PAH: variants seen among roughly 807,000 people sequenced by gnomAD.
PAH encodes phenylalanine-4-hydroxylase.
Under a neutral mutation model 62.0 loss-of-function variants are expected in PAH, and 64 were observed. The observed-to-expected ratio is 1.03, with a 90% confidence interval of 0.84 to 1.27. PAH has a LOEUF of 1.27. Ranked by LOEUF, PAH falls within the 50% of genes most tolerant of loss-of-function variation. PAH has a pLI of 0.00. For missense variants in PAH, 579 were observed against 542.8 expected, an observed-to-expected ratio of 1.07 and a Z score of -0.66; for synonymous variants, 195 against 196.2, an observed-to-expected ratio of 0.99 and a Z score of 0.05.
chr12:102,887,685 G>A (rs1293307475), intron 3 of PAH, among the ~76,000 whole-genome samples: 1 of 152,102 alleles, frequency 6.6e-6, no homozygotes, highest in Non-Finnish European at 1.5e-5. Context: ...TCCCCTCCAT[G>A]AGCCACAGGA....
At chr12:102,907,169 T>C (rs1335695762) in intron 2 of PAH, among the ~76,000 whole-genome samples, 1 of 152,218 alleles carries the variant, frequency 6.6e-6, no homozygotes, top group Admixed American at 6.5e-5. Flanking sequence ...AGTAGTTAAT[T>C]GTCTTGCATT....
chr12:102,852,516 G>A (rs761084795), intron 7 of PAH, among the ~76,000 whole-genome samples: 2 of 152,190 alleles, frequency 1.3e-5, no homozygotes, highest in African/African-American at 2.4e-5. Flanking sequence ...ACTTGTTCCT[G>A]TTCTCATTTG....
intron 5 of PAH, among the ~76,000 whole-genome samples, chr12:102,865,683 C>T (rs1395269513): frequency 6.6e-6 from 1 of 152,178 alleles, no homozygotes; most frequent in Non-Finnish European, 1.5e-5. Flanking sequence ...GGGCTTAGAT[C>T]TGACTAAAGA....
In PAH at chr12:102,853,085, A is replaced by G. The variant is rs374035863; in HGVS notation, c.707-135T>C. The G allele has an allele frequency of 3.4e-5, 31 of 923,652 alleles. No individual in the cohort carries two copies. In the African/African-American group the frequency reaches 4.6e-4, roughly 14 times the overall value. The allele number at this position is 923,652 out of a possible 1,614,324, so 57.2% of individuals were successfully genotyped here. A position where few individuals can be genotyped will look rare whatever the true frequency, so the allele number is the denominator to read the frequency against. On this transcript the variant is annotated intron_variant, in intron 6 of 12. Transcript: ENST00000553106. ...TTTGACGCTAGGCAGACTTGGCTTC[A>G]GATGTCTGCCTCGCTGCTTTCTAGC...
At chr12:102,889,534 G>GGACAGATAGATAGATAGATAGATA (rs75657447) in intron 3 of PAH, among the ~76,000 whole-genome samples, 4 of 150,552 alleles carry the variant, frequency 2.7e-5, no homozygotes, top group South Asian at 2.1e-4. Flanking sequence ...ATAGATAGAC[G>GGACAGATAGATAGATAGATAGATA]GATAGATAGA....
At position 102,844,408 on chromosome 12, in the gene PAH, A is replaced by G; in HGVS notation, c.993T>C (p.Phe331=). 1 of 1,613,538 alleles carries G rather than the reference A, an allele frequency of 6.2e-7. No individual in the cohort carries two copies. The highest frequency in any genetic ancestry group is 8.5e-7 in the Non-Finnish European group (1 of 1,179,514). ...LATIYWFTVE[F]GLCKQGDSIK... ...TGGAGTCTCCTTGTTTGCAGAGCCC[A>G]AACTCCACAGTAAACCAGTAAATCT... Residue 331 remains phenylalanine, a synonymous_variant, in exon 10 of 13, where the codon TTT becomes TTC. Coordinates refer to ENST00000553106, the MANE Select transcript of PAH (RefSeq NM_000277.3).
chr12:102,854,696 T>TGC, intron 6 of PAH: 1 of 260,964 alleles, frequency 3.8e-6, no homozygotes, highest in South Asian at 4.8e-5. Context: ...GAAGGCAGGA[T>TGC]TCATACCAGA....
chr12:102,911,594 G>T (rs1418669600), intron 2 of PAH, among the ~76,000 whole-genome samples: 1 of 152,124 alleles, frequency 6.6e-6, no homozygotes, highest in East Asian at 1.9e-4. Context: ...ACCTTTTACT[G>T]AGATAACTTC....
chr12:102,897,636 G>GA lies in PAH; in HGVS notation c.169-2719dup, dbSNP rs1294962038. ...GGAATGTAGCTGTGATGCATTATCA[G>GA]AAAAAAGGCAATAACTTCTTTCTCA... On this transcript the variant is annotated intron_variant, in intron 2 of 12. Coordinates refer to ENST00000553106, the MANE Select transcript of PAH (RefSeq NM_000277.3). Among the ~76,000 whole-genome samples the GA allele has an allele frequency of 3.3e-5, 5 of 152,038 alleles. No homozygotes were observed. In the East Asian group the frequency reaches 5.8e-4, roughly 18 times the overall value.
upstream of PAH, among the ~76,000 whole-genome samples, chr12:102,920,461 C>A (rs1400606790): frequency 6.6e-6 from 1 of 152,184 alleles, no homozygotes; most frequent in African/African-American, 2.4e-5. Context: ...CTGACCTTTG[C>A]TGATTTGGAA....
chr12:102,848,895 C>T (rs2136641933), intron 8 of PAH, among the ~76,000 whole-genome samples: 1 of 151,370 alleles, frequency 6.6e-6, no homozygotes, highest in East Asian at 1.9e-4. Context: ...GGAGGGTAGA[C>T]AGAACACAAG....
intron 1 of PAH, among the ~76,000 whole-genome samples, chr12:102,925,621 C>T (rs140817015): frequency 2.0e-5 from 3 of 152,198 alleles, no homozygotes; most frequent in Non-Finnish European, 4.4e-5. Flanking sequence ...AGGAGACTTC[C>T]TAATAAGTCA....
At chr12:102,860,800 G>T (rs1875680636) in intron 5 of PAH, among the ~76,000 whole-genome samples, 1 of 152,156 alleles carries the variant, frequency 6.6e-6, no homozygotes, top group East Asian at 1.9e-4. Flanking sequence ...GCTGAAACTG[G>T]ATCCCTTCCT....
chr12:102,839,854 G>A (rs1874509325), intron 12 of PAH, among the ~76,000 whole-genome samples: 1 of 152,206 alleles, frequency 6.6e-6, no homozygotes, highest in African/African-American at 2.4e-5. Flanking sequence ...ACAACTGCAT[G>A]GGCAAGGGTT....
chr12:102,854,497 C>A (rs1243301795), intron 6 of PAH, among the ~76,000 whole-genome samples: 2 of 152,210 alleles, frequency 1.3e-5, no homozygotes, highest in Middle Eastern at 3.2e-3. Context: ...ACCTATTAAG[C>A]TACTCAGATT....
At chr12:102,844,519 T>C (rs962819846) in intron 9 of PAH, 88 bp from the exon 10 acceptor site, 5 of 862,550 alleles carry the variant, frequency 5.8e-6, no homozygotes, top group Non-Finnish European at 9.7e-6. Flanking sequence ...CCTGAATAGA[T>C]AGTAAAGCAT....
chr12:102,907,407 T>C (rs906141029), intron 2 of PAH, among the ~76,000 whole-genome samples: 12 of 152,184 alleles, frequency 7.9e-5, no homozygotes, highest in Non-Finnish European at 1.8e-4. Flanking sequence ...CACTGCACAT[T>C]AGCTGTGTGA....
At chr12:102,955,194 G>T (rs1003615813), upstream of PAH, among the ~76,000 whole-genome samples, 3 of 152,166 alleles carry the variant, frequency 2.0e-5, no homozygotes, top group African/African-American at 7.2e-5. Flanking sequence ...CATGGTGTGT[G>T]TAGGGGGGAG....
At chr12:102,919,682 G>A (rs568885479), upstream of PAH, among the ~76,000 whole-genome samples, 29 of 152,146 alleles carry the variant, frequency 1.9e-4, no homozygotes, top group South Asian at 5.8e-3. Flanking sequence ...CCCCACATAT[G>A]AGTGAGAATA....
Sources: gnomAD v4.1 joint callset for allele counts (sites outside exome capture counted in the v4.1 genomes callset) on GRCh38, gnomAD v4.1.1 for gene constraint, MANE v1.5 for transcripts, NCBI Gene and HGNC (gene_info 2026-07-23, HGNC 2026-07-21) for gene names.